Variants in TBC1D4 observed in about 807,000 individuals in gnomAD.
The protein encoded by TBC1D4 is TBC1 domain family member 4, also known as TBC (Tre-2, BUB2, CDC16) domain-containing protein.
TBC1D4 carries 121 observed loss-of-function variants against 142.5 expected under a neutral mutation model. That is an observed-to-expected ratio of 0.85 (90% CI 0.73 to 0.99). TBC1D4 has a LOEUF of 0.99. Among genes scored for constraint, TBC1D4 ranks in the 50% least tolerant of loss-of-function variants. The probability of loss-of-function intolerance (pLI) is 0.00; values close to 1 mark genes in which losing one functional copy is unlikely to be tolerated. For synonymous variants in TBC1D4, 630 were observed against 628.2 expected (o/e 1.00, Z -0.04); for missense variants, 1,475 against 1,606.6 (o/e 0.92, Z 1.40).
At chr13:75,466,643 C>T (rs145209315) in intron 1 of TBC1D4, among the ~76,000 whole-genome samples, 7,797 of 152,016 alleles carry the variant, frequency 0.051, 388 homozygotes, top group East Asian at 0.23. Flanking sequence ...GAGGCCGAGA[C>T]GGGCAGATCA....
intron 1 of TBC1D4, among the ~76,000 whole-genome samples, chr13:75,480,954 G>A (rs1888834492): frequency 6.6e-6 from 1 of 151,928 alleles, no homozygotes; most frequent in Non-Finnish European, 1.5e-5. Flanking sequence ...CCGTCCTCCC[G>A]GGACGGGCGC....
rs776733868 is a variant in TBC1D4, at chr13:75,481,754, C to G, written c.14G>C (p.Ser5Thr). ...CGGGAACGGCTCATCCTGAATGCAG[C>G]TGGGCGGCTCCATAACTCTCGCCTC... MEPP[S>T]CIQDEPFPHP... Residue 5 changes from serine to threonine, a missense_variant, in exon 1 of 21, where the codon AGC (serine) becomes ACC (threonine). Ser to Thr is a moderately conservative substitution (Grantham distance 58). This residue lies in a region of TBC1D4 where 1,227 missense variants were observed against 1,267.7 expected (regional missense o/e 0.97). Coordinates refer to ENST00000377636, the MANE Select transcript of TBC1D4 (RefSeq NM_014832.5). 8 of 1,585,878 alleles carry G rather than the reference C, an allele frequency of 5.0e-6. No homozygotes were observed. Among genetic ancestry groups the G allele is most frequent in the Non-Finnish European group, 6.8e-6 (8 of 1,170,158 alleles).
At position 75,286,865 on chromosome 13, in the gene TBC1D4, A is replaced by G. The variant is rs557337; in HGVS notation, c.3824T>C (p.Val1275Ala). 0.075 allele frequency: 120,875 copies of G among 1,613,742 alleles called. 12,177 individuals carry two copies. Among genetic ancestry groups the G allele is most frequent in the African/African-American group, 0.5 (37,400 of 74,896 alleles). Residue 1275 changes from valine (V) to alanine (A), a missense_variant, in exon 21 of 21, where the codon GTC (valine) becomes GCC (alanine). Val to Ala is a moderately conservative substitution (Grantham distance 64). Coordinates refer to ENST00000377636, the MANE Select transcript of TBC1D4 (RefSeq NM_014832.5). ...LRKLLPADAL[V>A]NCDLLLRDLN... Reference sequence around the variant, plus strand: ...GTCTCTCAGCAACAGGTCACAATTGACTAGAGCATCCGCGGGCAGCAGCTT... The same window carrying G: ...GTCTCTCAGCAACAGGTCACAATTGGCTAGAGCATCCGCGGGCAGCAGCTT...
At chr13:75,325,854 C>T (rs1027638033) in intron 10 of TBC1D4, among the ~76,000 whole-genome samples, 1 of 152,124 alleles carries the variant, frequency 6.6e-6, no homozygotes, top group Non-Finnish European at 1.5e-5. Flanking sequence ...ATGTTATTTT[C>T]AAATCTGCTG....
intron 1 of TBC1D4, among the ~76,000 whole-genome samples, chr13:75,457,376 C>T (rs940729086): frequency 6.6e-6 from 1 of 152,044 alleles, no homozygotes; most frequent in African/African-American, 2.4e-5. Flanking sequence ...TAGCATTATC[C>T]CTGACCTCTC....
chr13:75,439,475 G>A (rs1418934877), intron 1 of TBC1D4, among the ~76,000 whole-genome samples: 1 of 152,080 alleles, frequency 6.6e-6, no homozygotes, highest in Non-Finnish European at 1.5e-5. Context: ...TATTAAGACT[G>A]CTATCCAGAG....
intron 8 of TBC1D4, among the ~76,000 whole-genome samples, chr13:75,328,121 C>G (rs562398277): frequency 6.6e-6 from 1 of 152,172 alleles, no homozygotes; most frequent in African/African-American, 2.4e-5. Context: ...AGTGAGGGCC[C>G]CAATTAACTC....
chr13:75,401,661 G>A (rs900319448), intron 1 of TBC1D4, among the ~76,000 whole-genome samples: 2 of 152,168 alleles, frequency 1.3e-5, no homozygotes, highest in African/African-American at 2.4e-5. Context: ...CTCACAGAAT[G>A]CAGTAGGTTT....
In TBC1D4 at chr13:75,481,482, C is replaced by A. The variant is rs541945734; in HGVS notation, c.286G>T (p.Ala96Ser). 3 of 1,612,874 alleles carry A rather than the reference C, an allele frequency of 1.9e-6. No homozygotes were observed. The South Asian group carries it at 3.3e-5, about 18-fold the overall frequency. ...CCCCCCGAGGCCCCAGCGCCCGGCG[C>A]GGGGACGCAACGCAGGAAGGGCGCG... ...LSAPFLRCVP[A>S]PGAGASGGTS... is the part of the protein sequence containing the mutation. Residue 96 changes from alanine (A) to serine (S), a missense_variant, in exon 1 of 21, where the codon GCG becomes TCG. Coordinates refer to ENST00000377636, the MANE Select transcript of TBC1D4 (RefSeq NM_014832.5).
Position 75,359,784 on chromosome 13 carries a change from GATATCTTT to G in TBC1D4, c.1147_1154del (p.Lys383LeufsTer26). 2 of 1,612,352 alleles carry G rather than the reference GATATCTTT, an allele frequency of 1.2e-6. No individual in the cohort carries two copies. The highest frequency in any genetic ancestry group is 1.7e-6 in the Non-Finnish European group (2 of 1,178,568). On this transcript the variant is annotated frameshift_variant, in exon 3 of 21. Coordinates refer to ENST00000377636, the MANE Select transcript of TBC1D4 (RefSeq NM_014832.5). LOFTEE classifies it high-confidence loss of function. ...TGATACATACCTGAGAACAAGAGGA[GATATCTTT>G]AAAATTCTTTTCTAGCACAACTGAT...
intron 1 of TBC1D4, among the ~76,000 whole-genome samples, chr13:75,372,012 A>G (rs1883249725): frequency 6.6e-6 from 1 of 152,226 alleles, no homozygotes; most frequent in Non-Finnish European, 1.5e-5. Flanking sequence ...TAAAATGGCG[A>G]AATTAGAAAC....
At chr13:75,333,253 CA>C (rs1257790367) in intron 8 of TBC1D4, among the ~76,000 whole-genome samples, 1 of 152,184 alleles carries the variant, frequency 6.6e-6, no homozygotes, top group Non-Finnish European at 1.5e-5. Context: ...ACCTACCACC[CA>C]ACCAGTCTTA....
At chr13:75,322,541 T>A (rs561183033) in intron 11 of TBC1D4, among the ~76,000 whole-genome samples, 1 of 152,258 alleles carries the variant, frequency 6.6e-6, no homozygotes, top group African/African-American at 2.4e-5. Flanking sequence ...TATTAAACAA[T>A]ATGAACAATC....
At chr13:75,345,589 C>A (rs879453588) in intron 5 of TBC1D4, among the ~76,000 whole-genome samples, 2 of 152,016 alleles carry the variant, frequency 1.3e-5, no homozygotes, top group Non-Finnish European at 2.9e-5. Context: ...TTTTCTTTTT[C>A]TTTAAAAAGG....
At chr13:75,288,867 C>G in intron 20 of TBC1D4, 67 bp downstream of exon 20, 5 of 1,518,256 alleles carry the variant, frequency 3.3e-6, no homozygotes, top group Non-Finnish European at 4.6e-6. Context: ...CCCTTTCATT[C>G]CTGAGGTAGT....
intron 5 of TBC1D4, among the ~76,000 whole-genome samples, chr13:75,346,517 T>C (rs1257587765): frequency 6.6e-6 from 1 of 152,266 alleles, no homozygotes; most frequent in African/African-American, 2.4e-5. Flanking sequence ...ACGGTGTATA[T>C]GTGCTACATT....
rs1223313109 is a variant in TBC1D4, at chr13:75,286,962, T to A, written c.3727A>T (p.Lys1243Ter). Residue 1243 changes from lysine (K) to a stop codon, truncating the protein, a stop_gained, in exon 21 of 21, where the codon AAA becomes TAA. Transcript: ENST00000377636. LOFTEE classifies it high-confidence loss of function. ...AGGGTCCGGATTAAAGACTTCATTT[T>A]GGTCTCTCTCGTCAAAAGATTTTCC... is the stretch of plus-strand genomic sequence containing the variant. ...NLENLLTRET[K>*]MKSLIRTLEQ... The A allele has an allele frequency of 6.2e-7, 1 of 1,614,026 alleles. No individual in the cohort carries two copies. The highest frequency in any genetic ancestry group is 1.7e-5 in the Admixed American group (1 of 59,972).
intron 7 of TBC1D4, among the ~76,000 whole-genome samples, chr13:75,338,200 A>G (rs919879043): frequency 6.6e-6 from 1 of 152,076 alleles, no homozygotes; most frequent in Non-Finnish European, 1.5e-5. Context: ...GTAGGAGGCA[A>G]TAAGGGCCCA....
intron 1 of TBC1D4, among the ~76,000 whole-genome samples, chr13:75,430,310 C>A (rs145481449): frequency 6.6e-6 from 1 of 152,142 alleles, no homozygotes; most frequent in African/African-American, 2.4e-5. Context: ...AGGCTGACAG[C>A]TTTTACTCTG....
Sources: allele counts gnomAD v4.1 joint callset (sites outside exome capture counted in the v4.1 genomes callset), GRCh38; gene constraint gnomAD v4.1.1; regional missense constraint gnomAD v4.1.1; transcripts MANE v1.5; gene names NCBI Gene and HGNC (gene_info 2026-07-23, HGNC 2026-07-21).